The following CFAP58 variants were observed in gnomAD, a reference collection of about 807,000 sequenced individuals.
CFAP58 encodes cilia and flagella associated protein 58, also known as cilia- and flagella-associated protein 58.
A neutral mutation model predicts 119.5 loss-of-function variants in CFAP58; 88 were observed. That is an observed-to-expected ratio of 0.74 (90% CI 0.62 to 0.88). The LOEUF (loss-of-function observed/expected upper bound fraction) is 0.88. Among genes scored for constraint, CFAP58 ranks in the 40% least tolerant of loss-of-function variants. The pLI is 0.00. For synonymous variants in CFAP58, 365 were observed against 366.3 expected (o/e 1.00, Z 0.04); for missense variants, 990 against 1,021.2 (o/e 0.97, Z 0.42).
chr10:104,369,923 T>C (rs2014800252), intron 6 of CFAP58, among the ~76,000 whole-genome samples: 2 of 152,206 alleles, frequency 1.3e-5, no homozygotes, highest in Non-Finnish European at 2.9e-5. Context: ...GCTTGAAGTC[T>C]TTAGACAAAA....
In CFAP58 at chr10:104,354,106, C is replaced by G. The variant is rs530493400; in HGVS notation, c.9+200C>G. Among the ~76,000 whole-genome samples the G allele has an allele frequency of 1.4e-4, 21 of 152,322 alleles. No individual in the cohort carries two copies. The South Asian group carries it at 4.3e-3, about 32-fold the overall frequency. ...TGTTTCTCCTTCATTTGTGTGGACA[C>G]CCCACTATCCCCACTGTGGCATCGG... On this transcript the variant is annotated intron_variant, in intron 1 of 17. Transcript: ENST00000369704.
intron 15 of CFAP58, among the ~76,000 whole-genome samples, chr10:104,440,762 T>C (rs958554558): frequency 2.0e-5 from 3 of 152,210 alleles, no homozygotes; most frequent in Non-Finnish European, 4.4e-5. Context: ...CCTTTGATAG[T>C]GAAGACCTTT....
intron 1 of CFAP58, among the ~76,000 whole-genome samples, chr10:104,355,526 A>G (rs527650325): frequency 1.1e-4 from 17 of 151,720 alleles, no homozygotes; most frequent in South Asian, 1.0e-3. Flanking sequence ...ACAATTCTCT[A>G]TTTCCCCTCT....
intron 9 of CFAP58, among the ~76,000 whole-genome samples, chr10:104,388,818 C>T (rs74154796): frequency 0.018 from 2,729 of 152,128 alleles, 85 homozygotes; most frequent in African/African-American, 0.062. Flanking sequence ...GTTGTTTTAA[C>T]GGCAACAGAA....
Position 104,362,087 on chromosome 10 carries a change from C to T in CFAP58, c.356C>T (p.Thr119Met), listed in dbSNP as rs778902373. 67 of 1,613,912 alleles carry T rather than the reference C, an allele frequency of 4.2e-5. No homozygotes were observed. In the Admixed American group the frequency reaches 6.0e-4, roughly 14 times the overall value. The stretch of plus-strand genomic sequence containing the variant: ...GACAAAGAGCAGAAGGCCAAGGAGA[C>T]GATTCTTGCTCTGAAAGAGGAAATA... ...AYDKEQKAKE[T>M]ILALKEEIVN... is the part of the protein sequence containing the mutation. The change falls in exon 3 of 18, where the codon ACG (threonine) becomes ATG (methionine). Residue 119 changes from threonine to methionine, a missense_variant. Physicochemically the swap from Thr to Met is moderately conservative, Grantham distance 81. Transcript: ENST00000369704.
chr10:104,403,441 T>C (rs1434149284), intron 13 of CFAP58, among the ~76,000 whole-genome samples: 2 of 152,286 alleles, frequency 1.3e-5, no homozygotes, highest in East Asian at 3.9e-4. Context: ...CCCCTGCCCT[T>C]TGTTCTTTTC....
chr10:104,356,148 A>G (rs116021335), intron 1 of CFAP58, among the ~76,000 whole-genome samples: 1,773 of 152,354 alleles, frequency 0.012, 45 homozygotes, highest in African/African-American at 0.041. Context: ...AGAAAAACCT[A>G]TGTGAATTTA....
chr10:104,440,194 C>T (rs553672056), intron 15 of CFAP58, among the ~76,000 whole-genome samples: 23 of 152,248 alleles, frequency 1.5e-4, no homozygotes, highest in Non-Finnish European at 7.4e-5. Flanking sequence ...CTAACGTCTC[C>T]AGAGATGACT....
intron 1 of CFAP58, among the ~76,000 whole-genome samples, chr10:104,357,888 TAAACATATATGTACACATATACAC>T (rs2014583286): frequency 4.7e-5 from 6 of 127,540 alleles, no homozygotes; most frequent in African/African-American, 1.2e-4. Flanking sequence ...TACACATATA[TAAACATATATGTACACATATACAC>T]ACATATATGT....
intron 9 of CFAP58, among the ~76,000 whole-genome samples, chr10:104,387,479 A>G (rs1397676504): frequency 1.3e-5 from 2 of 152,218 alleles, no homozygotes; most frequent in African/African-American, 2.4e-5. Context: ...GCTAACATCA[A>G]CAGCAAGGGA....
intron 11 of CFAP58, 76 bp from the exon 12 acceptor site, chr10:104,399,284 T>C: frequency 1.3e-6 from 2 of 1,518,064 alleles, no homozygotes; most frequent in South Asian, 2.4e-5. Flanking sequence ...CAACTGTACA[T>C]CTGAATCCGG....
At chr10:104,344,251 C>A in the CFAP58 span, among the ~76,000 whole-genome samples, 1 of 152,248 alleles carries the variant, frequency 6.6e-6, no homozygotes. Context: ...GCCTTTGACA[C>A]AGATCATTAT....
At position 104,448,723 on chromosome 10, in the gene CFAP58, G is replaced by A. The variant is rs148737729; in HGVS notation, c.2376+906G>A. Among the ~76,000 whole-genome samples the A allele has an allele frequency of 7.3e-3, 1,114 of 152,314 alleles. 11 individuals carry two copies. The highest frequency in any genetic ancestry group is 0.025 in the African/African-American group (1,056 of 41,566). ...GGCAAATGAAACAAGTCTAATTAGA[G>A]CATTAATTTTCAATTTGTCACTCTG... On this transcript the variant is annotated intron_variant, in intron 16 of 17. Transcript: ENST00000369704.
rs114737863 is a variant in CFAP58 at position 104,403,222 on chromosome 10, G to C, written c.2040-507G>C. Among the ~76,000 whole-genome samples the C allele has an allele frequency of 4.1e-3, 622 of 152,222 alleles. 4 individuals carry two copies. The highest frequency in any genetic ancestry group is 0.014 in the African/African-American group (589 of 41,538). ...GTAGTGAATAAGTCTCACGAGATCT[G>C]ATGGTTTTTATAACTGGGAGTTCCC... On this transcript the variant is annotated intron_variant, in intron 13 of 17. Coordinates refer to ENST00000369704, the MANE Select transcript of CFAP58 (RefSeq NM_001008723.2).
intron 15 of CFAP58, among the ~76,000 whole-genome samples, chr10:104,438,360 TG>T (rs1564904845): frequency 0.029 from 2,436 of 84,372 alleles, 166 homozygotes; most frequent in African/African-American, 0.07. Flanking sequence ...TTTTTTTTTT[TG>T]TTTTTTTTTT....
At chr10:104,359,871 G>T (rs1178482503) in intron 2 of CFAP58, among the ~76,000 whole-genome samples, 1 of 152,184 alleles carries the variant, frequency 6.6e-6, no homozygotes, top group African/African-American at 2.4e-5. Flanking sequence ...GTCATGAATG[G>T]ATTAAAATCT....
At chr10:104,412,273 A>G (rs982657328) in intron 15 of CFAP58, among the ~76,000 whole-genome samples, 13 of 152,198 alleles carry the variant, frequency 8.5e-5, no homozygotes, top group African/African-American at 2.9e-4. Flanking sequence ...GTTAGTTCAC[A>G]TAAAAGTTTA....
At chr10:104,361,956 T>C in intron 2 of CFAP58, 67 bp from the exon 3 acceptor site, 1 of 1,465,592 alleles carries the variant, frequency 6.8e-7, no homozygotes. Context: ...ATTATTCTGT[T>C]TGCTGGTTTA....
chr10:104,446,463 A>C (rs1589939263), intron 15 of CFAP58, among the ~76,000 whole-genome samples: 1 of 152,258 alleles, frequency 6.6e-6, no homozygotes, highest in East Asian at 1.9e-4. Context: ...AACTGAAACA[A>C]ATGGTAACAA....
Sources: gnomAD v4.1 joint callset for allele counts (sites outside exome capture counted in the v4.1 genomes callset) on GRCh38, gnomAD v4.1.1 for gene constraint, MANE v1.5 for transcripts, NCBI Gene and HGNC (gene_info 2026-07-23, HGNC 2026-07-21) for gene names.